Variants in ALDH1A2 observed in about 807,000 individuals in gnomAD.
The protein encoded by ALDH1A2 is retinal dehydrogenase 2.
A neutral mutation model predicts 60.3 loss-of-function variants in ALDH1A2; 27 were observed. The observed-to-expected ratio is 0.45, with a 90% CI of 0.33 to 0.62. The LOEUF (loss-of-function observed/expected upper bound fraction) is 0.62, where lower values mean the gene tolerates loss of function less well. Ranked by LOEUF, ALDH1A2 falls within the 20% of genes least tolerant of loss-of-function variation. The probability of loss-of-function intolerance (pLI) is 0.02; values close to 1 mark genes in which losing one functional copy is unlikely to be tolerated. For missense variants in ALDH1A2, 581 were observed against 643.8 expected, an observed-to-expected ratio of 0.90 and a Z score of 1.06; for synonymous variants, 289 against 232.4, an observed-to-expected ratio of 1.24 and a Z score of -2.21.
intron 7 of ALDH1A2, among the ~76,000 whole-genome samples, chr15:57,988,187 A>G (rs1269414627): frequency 5.3e-5 from 8 of 152,366 alleles, no homozygotes; most frequent in Non-Finnish European, 7.3e-5. Context: ...TAGGGCAACA[A>G]TAACACAAAG....
At chr15:58,011,377 A>C (rs1595665552) in intron 3 of ALDH1A2, among the ~76,000 whole-genome samples, 1 of 152,204 alleles carries the variant, frequency 6.6e-6, no homozygotes, top group African/African-American at 2.4e-5. Flanking sequence ...AGAGTGAAAT[A>C]TCTGCTCCAT....
chr15:57,960,414 TGTTACTTCCAGGAAAAACG>T (rs1235858700), intron 12 of ALDH1A2, among the ~76,000 whole-genome samples: 1 of 152,192 alleles, frequency 6.6e-6, no homozygotes, highest in Non-Finnish European at 1.5e-5. Flanking sequence ...TTTTCCTGGA[TGTTACTTCCAGGAAAAACG>T]GTTACTTCCT....
At chr15:57,997,181 T>A (rs1397024995) in intron 4 of ALDH1A2, among the ~76,000 whole-genome samples, 2 of 152,060 alleles carry the variant, frequency 1.3e-5, no homozygotes, top group Non-Finnish European at 2.9e-5. Context: ...CAGTATGAAG[T>A]CTGAGTAATA....
At chr15:57,971,169 T>C (rs1894052228) in intron 7 of ALDH1A2, among the ~76,000 whole-genome samples, 1 of 152,246 alleles carries the variant, frequency 6.6e-6, no homozygotes, top group Admixed American at 6.5e-5. Context: ...TTGCCCTTTC[T>C]GGAACATGCC....
rs760842981 is a variant in ALDH1A2 at position 57,993,099 on chromosome 15, T to C, written c.556-26A>G. The stretch of plus-strand genomic sequence containing the variant: ...CTGAAAGGAAAAAACTCAAAGTTGA[T>C]AGATGGAAAAACATTCTTCCACTAC... On this transcript the variant is annotated intron_variant, in intron 5 of 12. Transcript: ENST00000249750. 3.7e-6 allele frequency: 6 copies of C among 1,609,882 alleles called. No individual in the cohort carries two copies. In the East Asian group the frequency reaches 8.9e-5, roughly 24 times the overall value.
intron 4 of ALDH1A2, among the ~76,000 whole-genome samples, chr15:58,003,948 A>G (rs2140505611): frequency 6.6e-6 from 1 of 152,034 alleles, no homozygotes. Flanking sequence ...GAAATAATGG[A>G]TAGTGTTGTA....
At chr15:57,965,449 G>C (rs978475465) in intron 8 of ALDH1A2, among the ~76,000 whole-genome samples, 3 of 152,180 alleles carry the variant, frequency 2.0e-5, no homozygotes, top group African/African-American at 7.2e-5. Context: ...CACTGCTGTT[G>C]AACCATATGC....
chr15:58,025,590 T>G (rs188074196), intron 1 of ALDH1A2, among the ~76,000 whole-genome samples: 35 of 152,296 alleles, frequency 2.3e-4, no homozygotes, highest in Non-Finnish European at 4.3e-4. Context: ...AAAGAATAAC[T>G]AACATCAATC....
At chr15:58,065,483 A>C in intron 1 of ALDH1A2, 51 bp downstream of exon 1, 1 of 1,459,914 alleles carries the variant, frequency 6.8e-7, no homozygotes, top group Non-Finnish European at 9.6e-7. Context: ...GGGAAACCGA[A>C]GAAGGTTCTA....
intron 8 of ALDH1A2, among the ~76,000 whole-genome samples, chr15:57,965,515 G>A (rs1421100523): frequency 6.6e-6 from 1 of 152,138 alleles, no homozygotes; most frequent in Non-Finnish European, 1.5e-5. Flanking sequence ...GATTCAAAAT[G>A]GCTCATTAGT....
At chr15:58,022,480 G>A (rs987590041) in intron 1 of ALDH1A2, among the ~76,000 whole-genome samples, 1 of 152,094 alleles carries the variant, frequency 6.6e-6, no homozygotes, top group Non-Finnish European at 1.5e-5. Flanking sequence ...AAGCTGCCTA[G>A]GGACCTGAGA....
At chr15:57,961,623 G>A (rs1893722852) in intron 10 of ALDH1A2, among the ~76,000 whole-genome samples, 1 of 152,150 alleles carries the variant, frequency 6.6e-6, no homozygotes, top group Non-Finnish European at 1.5e-5. Context: ...TCTGGACTGT[G>A]GGCTGATTTG....
chr15:57,960,757 C>T lies in ALDH1A2; in HGVS notation c.1484+13G>A, dbSNP rs773017152. 7 of 1,612,006 alleles carry T rather than the reference C, an allele frequency of 4.3e-6. No homozygotes were observed. The South Asian group carries it at 7.7e-5, about 18-fold the overall frequency. The stretch of plus-strand genomic sequence containing the variant: ...TCTATTTCTCTGCAGGCATCAGCAA[C>T]TTTAAGACTTACATTTCTCTCCCAT... On this transcript the variant is annotated intron_variant, in intron 12 of 12. Coordinates refer to ENST00000249750, the MANE Select transcript of ALDH1A2 (RefSeq NM_003888.4).
At chr15:58,053,320 T>C (rs1229429766) in intron 1 of ALDH1A2, among the ~76,000 whole-genome samples, 4 of 152,098 alleles carry the variant, frequency 2.6e-5, no homozygotes, top group African/African-American at 4.8e-5. Context: ...AAAACTAAAA[T>C]TGGTGTGGAA....
chr15:57,964,120 G>A (rs1893819619), intron 8 of ALDH1A2, 51 bp from the exon 9 acceptor site: 2 of 1,604,946 alleles, frequency 1.2e-6, no homozygotes, highest in South Asian at 1.1e-5. Context: ...GGAGGGGCCT[G>A]TCTATGAAGC....
At chr15:58,025,859 A>T (rs1243161766) in intron 1 of ALDH1A2, among the ~76,000 whole-genome samples, 2 of 152,160 alleles carry the variant, frequency 1.3e-5, no homozygotes, top group Non-Finnish European at 2.9e-5. Flanking sequence ...GAAATGCCAG[A>T]CTTCTTTAAA....
chr15:58,046,236 T>C (rs1188506056), intron 1 of ALDH1A2, among the ~76,000 whole-genome samples: 2 of 152,084 alleles, frequency 1.3e-5, no homozygotes, highest in African/African-American at 4.8e-5. Context: ...ACAGTAAAGA[T>C]CATAAAGTTT....
intron 7 of ALDH1A2, among the ~76,000 whole-genome samples, chr15:57,970,641 T>C (rs1440427899): frequency 6.6e-6 from 1 of 151,826 alleles, no homozygotes; most frequent in African/African-American, 2.4e-5. Flanking sequence ...TTGGGTAAAA[T>C]TTTTTTTTAT....
intron 1 of ALDH1A2, among the ~76,000 whole-genome samples, chr15:58,052,461 A>ATTTTTTATT (rs1896799144): frequency 6.6e-6 from 1 of 151,904 alleles, no homozygotes; most frequent in Non-Finnish European, 1.5e-5. Context: ...ACCAGGATTT[A>ATTTTTTATT]TTTTTTATTT....
Sources: allele counts gnomAD v4.1 joint callset (sites outside exome capture counted in the v4.1 genomes callset), GRCh38; gene constraint gnomAD v4.1.1; transcripts MANE v1.5; gene names NCBI Gene and HGNC (gene_info 2026-07-23, HGNC 2026-07-21).